The following PARD3B variants were observed in gnomAD, a reference collection of about 807,000 sequenced individuals.
The protein encoded by PARD3B is partitioning defective 3 homolog B.
A neutral mutation model predicts 130.2 loss-of-function variants in PARD3B; 103 were observed. That is an observed-to-expected ratio of 0.79 (90% CI 0.67 to 0.93). PARD3B has a LOEUF of 0.93. Among genes scored for constraint, PARD3B ranks in the 40% least tolerant of loss-of-function variants. PARD3B has a pLI of 0.00. For synonymous variants in PARD3B, 583 were observed against 553.2 expected (o/e 1.05, Z -0.76); for missense variants, 1,609 against 1,499.2 (o/e 1.07, Z -1.21).
chr2:204,998,687 G>T (rs956615615), intron 3 of PARD3B, among the ~76,000 whole-genome samples: 6 of 151,612 alleles, frequency 4.0e-5, no homozygotes, highest in African/African-American at 1.5e-4. Flanking sequence ...GTGGTTAAAT[G>T]TTTTTCGCTT....
intron 2 of PARD3B, among the ~76,000 whole-genome samples, chr2:204,710,661 C>CTT (rs2038390333): frequency 6.6e-6 from 1 of 152,196 alleles, no homozygotes; most frequent in South Asian, 2.1e-4. Context: ...GTTGCACCTG[C>CTT]TTCATTGATT....
intron 22 of PARD3B, among the ~76,000 whole-genome samples, chr2:205,597,425 A>G (rs2054611577): frequency 6.6e-6 from 1 of 152,098 alleles, no homozygotes; most frequent in Non-Finnish European, 1.5e-5. Context: ...TCCAGTCCAG[A>G]GTTGATGGGC....
intron 2 of PARD3B, among the ~76,000 whole-genome samples, chr2:204,963,733 T>C (rs996360183): frequency 6.6e-6 from 1 of 152,168 alleles, no homozygotes; most frequent in African/African-American, 2.4e-5. Flanking sequence ...TTATTATTAA[T>C]ATATTTAAGT....
In PARD3B at chr2:204,906,934, T is replaced by C. The variant is rs1205063966; in HGVS notation, c.223-58218T>C. Among the ~76,000 whole-genome samples the C allele has an allele frequency of 6.6e-6, 1 of 152,192 alleles. No individual in the cohort carries two copies. The highest frequency in any genetic ancestry group is 1.9e-4 in the East Asian group (1 of 5,190). The stretch of plus-strand genomic sequence containing the variant: ...GCATTTTTGTGGAGAATTGGGTGTA[T>C]TAAAAAGTAGAAGCAAAGATGCTGA... On this transcript the variant is annotated intron_variant, in intron 2 of 22. Transcript: ENST00000406610. The surrounding 1 kb of genome is among the most constrained non-coding windows in gnomAD (Gnocchi z 4.3).
intron 2 of PARD3B, among the ~76,000 whole-genome samples, chr2:204,724,597 A>G (rs983217197): frequency 3.3e-5 from 5 of 152,152 alleles, no homozygotes; most frequent in Non-Finnish European, 4.4e-5. Context: ...GATTATCTAC[A>G]ACATTTTGGG....
At chr2:204,556,523 A>T (rs533691443) in intron 1 of PARD3B, among the ~76,000 whole-genome samples, 1 of 152,316 alleles carries the variant, frequency 6.6e-6, no homozygotes, top group African/African-American at 2.4e-5. Context: ...GTTTTGAAAG[A>T]TGATGAAGAA....
Position 205,407,474 on chromosome 2 carries a change from T to G in PARD3B, c.2741+6351T>G, listed in dbSNP as rs2046450341. On this transcript the variant is annotated intron_variant, in intron 19 of 22. Coordinates refer to ENST00000406610, the MANE Select transcript of PARD3B (RefSeq NM_001302769.2). This position sits in a 1 kb window ranked among gnomAD's most constrained non-coding sequence, Gnocchi z 4.1. ...ATTCAGATTATGTAAATTAGCATCT[T>G]GAGCTGAAAGCAAGAGATTGTCTTA... Among the ~76,000 whole-genome samples the G allele has an allele frequency of 6.6e-6, 1 of 152,228 alleles. No homozygotes were observed. The highest frequency in any genetic ancestry group is 2.4e-5 in the African/African-American group (1 of 41,464).
chr2:204,890,760 C>T lies in PARD3B; in HGVS notation c.223-74392C>T, dbSNP rs531964562. ...GGCAGGGATGTCCCCTCTTGCTCAG[C>T]CTCCCATCCTGTGTTCCCTCACTCA... On this transcript the variant is annotated intron_variant, in intron 2 of 22. Transcript: ENST00000406610. This position sits in a 1 kb window ranked among gnomAD's most constrained non-coding sequence, Gnocchi z 4.9. 6.6e-6 allele frequency among the ~76,000 whole-genome samples: 1 copy of T among 152,202 alleles called. No individual in the cohort carries two copies. The highest frequency in any genetic ancestry group is 2.1e-4 in the South Asian group (1 of 4,818).
At chr2:205,196,434 A>C (rs2036685275) in intron 15 of PARD3B, among the ~76,000 whole-genome samples, 1 of 152,092 alleles carries the variant, frequency 6.6e-6, no homozygotes, top group Non-Finnish European at 1.5e-5. Context: ...TTCATTTATA[A>C]AATATTGTTA....
At chr2:205,522,369 T>A (rs1406323447) in intron 21 of PARD3B, among the ~76,000 whole-genome samples, 603 of 152,068 alleles carry the variant, frequency 4.0e-3, no homozygotes, top group African/African-American at 0.014. Context: ...ATCAAGGAAT[T>A]AGGTTTTTTA....
chr2:205,553,786 T>C (rs1290554349), intron 22 of PARD3B, among the ~76,000 whole-genome samples: 1 of 152,162 alleles, frequency 6.6e-6, no homozygotes, highest in Non-Finnish European at 1.5e-5. Context: ...GCTTGGAGTT[T>C]CATGTGGGTG....
In PARD3B at chr2:204,907,977, C is replaced by T. The variant is rs780850727; in HGVS notation, c.223-57175C>T. On this transcript the variant is annotated intron_variant, in intron 2 of 22. Coordinates refer to ENST00000406610, the MANE Select transcript of PARD3B (RefSeq NM_001302769.2). This position sits in a 1 kb window ranked among gnomAD's most constrained non-coding sequence, Gnocchi z 5.7. ...TCAGCCTCCCAAAGTGCTGGAATTG[C>T]GGGCATGAGCCACCGCACCCAGCCT... Among the ~76,000 whole-genome samples, 18 of 152,132 alleles carry T rather than the reference C, an allele frequency of 1.2e-4. No homozygotes were observed. Among genetic ancestry groups the T allele is most frequent in the Non-Finnish European group, 1.8e-4 (12 of 68,016 alleles).
rs114082428 is a variant in PARD3B at position 205,212,624 on chromosome 2, T to A, written c.2140+19304T>A. 2.4e-3 allele frequency among the ~76,000 whole-genome samples: 365 copies of A among 152,208 alleles called. 2 individuals are homozygous for A. The highest frequency in any genetic ancestry group is 8.5e-3 in the African/African-American group (355 of 41,554). ...AGCCACTAAGCAAGTAGGAATTAAC[T>A]GCAGAGCAGCAAGAATGAACAGGGC... On this transcript the variant is annotated intron_variant, in intron 15 of 22. Transcript: ENST00000406610.
At chr2:205,546,449 G>C (rs896752610) in intron 21 of PARD3B, among the ~76,000 whole-genome samples, 1 of 151,968 alleles carries the variant, frequency 6.6e-6, no homozygotes, top group Non-Finnish European at 1.5e-5. Context: ...AAGATAAAGG[G>C]ATTTAAAAAA....
chr2:205,181,747 A>G (rs1186605540), intron 13 of PARD3B, among the ~76,000 whole-genome samples: 2 of 152,230 alleles, frequency 1.3e-5, no homozygotes, highest in Non-Finnish European at 2.9e-5. Context: ...AAAGATGATA[A>G]TTAAAAAGAA....
chr2:205,601,925 G>A (rs539264466), intron 22 of PARD3B, among the ~76,000 whole-genome samples: 2 of 152,268 alleles, frequency 1.3e-5, no homozygotes, highest in African/African-American at 4.8e-5. Flanking sequence ...GAATAGGAGT[G>A]GTGAGAGGGG....
intron 5 of PARD3B, among the ~76,000 whole-genome samples, chr2:205,106,808 C>T (rs1017918493): frequency 6.6e-6 from 1 of 152,146 alleles, no homozygotes; most frequent in African/African-American, 2.4e-5. Context: ...AGAGTGAGTG[C>T]AATTCCCAGC....
chr2:205,076,310 C>T (rs1264470825), intron 4 of PARD3B, among the ~76,000 whole-genome samples: 1 of 152,196 alleles, frequency 6.6e-6, no homozygotes, highest in Non-Finnish European at 1.5e-5. Flanking sequence ...CTGGTGACTT[C>T]AAGGATGTCT....
rs2042905359 is a variant in PARD3B, at chr2:205,325,430, G to T, written c.2630+23729G>T. On this transcript the variant is annotated intron_variant, in intron 18 of 22. Coordinates refer to ENST00000406610, the MANE Select transcript of PARD3B (RefSeq NM_001302769.2). This position sits in a 1 kb window ranked among gnomAD's most constrained non-coding sequence, Gnocchi z 4.1. ...GGTCAACTCTTAGTGATGCTTAAAT[G>T]CTGGGTTCAAGGGTTCTTTGGAAGC... 6.6e-6 allele frequency among the ~76,000 whole-genome samples: 1 copy of T among 152,082 alleles called. No homozygotes were observed. The highest frequency in any genetic ancestry group is 2.1e-4 in the South Asian group (1 of 4,826).
Sources: allele counts gnomAD v4.1 joint callset (sites outside exome capture counted in the v4.1 genomes callset), GRCh38; gene constraint gnomAD v4.1.1; non-coding constraint Gnocchi (gnomAD v3.1); transcripts MANE v1.5; gene names NCBI Gene and HGNC (gene_info 2026-07-23, HGNC 2026-07-21).